CENPP: variants seen among roughly 807,000 people sequenced by gnomAD.
CENPP encodes centromere protein P.
In CENPP, 24 loss-of-function variants were observed where a neutral mutation model predicts 35.6. That is an observed-to-expected ratio of 0.67 (90% CI 0.49 to 0.95). The LOEUF (loss-of-function observed/expected upper bound fraction) is 0.95. CENPP is among the 40% of genes least tolerant of loss of function. The pLI is 0.00. For synonymous variants in CENPP, 120 were observed against 125.5 expected (o/e 0.96, Z 0.29); for missense variants, 332 against 345.3 (o/e 0.96, Z 0.31).
chr9:92,416,058 G>GTGTATA lies in CENPP; in HGVS notation c.564+36200_564+36201insGTATAT, dbSNP rs6151074. Among the ~76,000 whole-genome samples the GTGTATA allele has an allele frequency of 8.3e-4, 108 of 130,908 alleles. 1 individual carries two copies. Among genetic ancestry groups the GTGTATA allele is most frequent in the Admixed American group, 2.4e-3 (28 of 11,840 alleles). 85.9% of individuals were successfully genotyped at this position (130,908 alleles called of 152,430 possible). A position where few individuals can be genotyped will look rare whatever the true frequency, so the allele number is the denominator to read the frequency against. ...ATAAATAAATATATTATATATGTGT[G>GTGTATA]TATATATATATATTTATTTATTTAT... On this transcript the variant is annotated intron_variant, in intron 5 of 7. Transcript: ENST00000375587.
chr9:92,512,042 G>A, intron 5 of CENPP: 1 of 1,613,434 alleles, frequency 6.2e-7, no homozygotes, highest in Non-Finnish European at 8.5e-7. Flanking sequence ...GCCTGAAGAA[G>A]TGATATTATT....
At chr9:92,423,156 T>C (rs1843864374) in intron 5 of CENPP, among the ~76,000 whole-genome samples, 2 of 152,210 alleles carry the variant, frequency 1.3e-5, no homozygotes, top group Non-Finnish European at 2.9e-5. Context: ...TGTTCCTTTT[T>C]CTATTGAATA....
intron 6 of CENPP, among the ~76,000 whole-genome samples, chr9:92,611,596 G>C (rs924862913): frequency 6.6e-6 from 1 of 152,138 alleles, no homozygotes; most frequent in Non-Finnish European, 1.5e-5. Context: ...CTGGGCCGCA[G>C]GGGGAAAACG....
chr9:92,556,007 T>C (rs958789091), intron 5 of CENPP, among the ~76,000 whole-genome samples: 5 of 152,186 alleles, frequency 3.3e-5, no homozygotes, highest in African/African-American at 1.2e-4. Context: ...TCTTTCAGAC[T>C]TTTTGATGTG....
chr9:92,515,897 A>G (rs1847673496), intron 5 of CENPP, among the ~76,000 whole-genome samples: 1 of 152,164 alleles, frequency 6.6e-6, no homozygotes, highest in Non-Finnish European at 1.5e-5. Context: ...AGTGCTGTTT[A>G]TCCTTCCATG....
chr9:92,453,907 C>T (rs1844793648), intron 5 of CENPP, among the ~76,000 whole-genome samples: 1 of 151,940 alleles, frequency 6.6e-6, no homozygotes, highest in Non-Finnish European at 1.5e-5. Flanking sequence ...ATCACTTAAG[C>T]CCAAGAGTTT....
intron 5 of CENPP, among the ~76,000 whole-genome samples, chr9:92,548,446 ATAT>A (rs1563998745): frequency 1.3e-5 from 2 of 152,222 alleles, no homozygotes; most frequent in African/African-American, 4.8e-5. Context: ...ACTTGCCAGG[ATAT>A]TAAAGATTTT....
chr9:92,412,628 GACTT>G (rs1408908116), intron 5 of CENPP, among the ~76,000 whole-genome samples: 4 of 152,170 alleles, frequency 2.6e-5, no homozygotes, highest in Non-Finnish European at 4.4e-5. Context: ...TTTTACGACT[GACTT>G]CTTTCACTGA....
chr9:92,426,543 T>C (rs1441626412), intron 5 of CENPP, among the ~76,000 whole-genome samples: 1 of 151,864 alleles, frequency 6.6e-6, no homozygotes, highest in Non-Finnish European at 1.5e-5. Context: ...ATATAAACAA[T>C]GTAGAGTGCG....
intron 3 of CENPP, among the ~76,000 whole-genome samples, chr9:92,341,077 T>C (rs1841101513): frequency 8.5e-5 from 13 of 152,276 alleles, no homozygotes; most frequent in Admixed American, 7.2e-4. Context: ...CAGGGGCGCC[T>C]GTCTCTTATG....
At chr9:92,483,922 G>C (rs1845993834) in intron 5 of CENPP, among the ~76,000 whole-genome samples, 1 of 152,218 alleles carries the variant, frequency 6.6e-6, no homozygotes, top group Admixed American at 6.5e-5. Context: ...CTTAGGGAAT[G>C]ACGGCCCTCC....
rs143789386 is a variant in CENPP at position 92,514,777 on chromosome 9, C to T, written c.565-96537C>T. On this transcript the variant is annotated intron_variant, in intron 5 of 7. Transcript: ENST00000375587. ...TCTGGGAGGAGCAGGAAGCGGGGAT[C>T]GAGAGGGCATTCGGAACATATCTCC... 3.2e-3 allele frequency: 5,173 copies of T among 1,614,020 alleles called. 13 individuals carry two copies. The highest frequency in any genetic ancestry group is 4.0e-3 in the Non-Finnish European group (4,751 of 1,179,984).
intron 5 of CENPP, chr9:92,517,609 T>A (rs1847806937): frequency 1.3e-6 from 2 of 1,570,678 alleles, no homozygotes; most frequent in East Asian, 4.5e-5. Context: ...ATAATTTTAA[T>A]CTAAAATTAG....
intron 2 of CENPP, among the ~76,000 whole-genome samples, chr9:92,334,245 C>T (rs1038130329): frequency 2.0e-5 from 3 of 151,878 alleles, no homozygotes; most frequent in Admixed American, 6.6e-5. Context: ...CTCAGCCTCC[C>T]GCGTAGCTGG....
At chr9:92,379,051 T>C (rs1237046739) in intron 4 of CENPP, among the ~76,000 whole-genome samples, 2 of 152,114 alleles carry the variant, frequency 1.3e-5, no homozygotes, top group African/African-American at 4.8e-5. Context: ...ATCTCTCAGG[T>C]TTAATAATTT....
chr9:92,365,859 C>A (rs951003386), intron 4 of CENPP, among the ~76,000 whole-genome samples: 12 of 151,168 alleles, frequency 7.9e-5, no homozygotes, highest in African/African-American at 2.9e-4. Context: ...GTGGAGTTAT[C>A]TGCAAAATGA....
At chr9:92,573,998 A>ACAGC (rs1379067149) in intron 5 of CENPP, among the ~76,000 whole-genome samples, 4 of 152,140 alleles carry the variant, frequency 2.6e-5, no homozygotes, top group Non-Finnish European at 5.9e-5. Context: ...ACCATCTGTC[A>ACAGC]CAGCTTCCCT....
intron 5 of CENPP, among the ~76,000 whole-genome samples, chr9:92,399,417 A>G (rs1302854525): frequency 6.6e-6 from 1 of 152,114 alleles, no homozygotes; most frequent in Non-Finnish European, 1.5e-5. Context: ...TGCTTTATAA[A>G]TTAGAGTTAC....
chr9:92,572,448 C>T (rs949374604), intron 5 of CENPP, among the ~76,000 whole-genome samples: 18 of 152,252 alleles, frequency 1.2e-4, no homozygotes, highest in East Asian at 3.9e-4. Flanking sequence ...GAGTTTCTGC[C>T]GAGAGATCCG....
Sources: gnomAD v4.1 joint callset for allele counts (sites outside exome capture counted in the v4.1 genomes callset) on GRCh38, gnomAD v4.1.1 for gene constraint, MANE v1.5 for transcripts, NCBI Gene and HGNC (gene_info 2026-07-23, HGNC 2026-07-21) for gene names.